MCPH1: variants seen among roughly 807,000 people sequenced by gnomAD.
MCPH1 encodes the protein microcephalin.
A neutral mutation model predicts 84.5 loss-of-function variants in MCPH1; 104 were observed. The ratio of observed to expected loss-of-function variants is 1.23; its 90% CI spans 1.05 to 1.45. The LOEUF is 1.45. Among genes scored for constraint, MCPH1 ranks in the 40% most tolerant of loss-of-function variants. MCPH1 has a pLI of 0.00. For synonymous variants in MCPH1, 514 were observed against 366.8 expected, an observed-to-expected ratio of 1.40 and a Z score of -4.58; for missense variants, 1,498 against 1,005.7, an observed-to-expected ratio of 1.49 and a Z score of -6.62.
At position 6,502,902 on chromosome 8, in the gene MCPH1, T is replaced by A. The variant is rs557677761; in HGVS notation, c.2214+2973T>A. On this transcript the variant is annotated intron_variant, in intron 12 of 13. Coordinates refer to ENST00000344683, the MANE Select transcript of MCPH1 (RefSeq NM_024596.5). ...TAATCACAATTATGGATGTTTAGGG[T>A]CTTGCTTTGGTCCGTTAAGTGATGC... 338 of 584,824 alleles carry A rather than the reference T, an allele frequency of 5.8e-4. 1 individual carries two copies. The highest frequency in any genetic ancestry group is 6.5e-5 in the Non-Finnish European group (22 of 336,024). The allele number at this position is 584,824 out of a possible 1,614,324, so 36.2% of individuals were successfully genotyped here.
chr8:6,490,369 C>A (rs1393722053), intron 11 of MCPH1, among the ~76,000 whole-genome samples: 2 of 152,150 alleles, frequency 1.3e-5, no homozygotes, highest in African/African-American at 2.4e-5. Context: ...ATTTAGATGT[C>A]ATTTAGATGT....
intron 12 of MCPH1, among the ~76,000 whole-genome samples, chr8:6,599,436 C>G (rs1019565986): frequency 6.6e-6 from 1 of 152,218 alleles, no homozygotes; most frequent in African/African-American, 2.4e-5. Flanking sequence ...GTCCATTATT[C>G]TCACCGTGAT....
At chr8:6,575,642 C>T (rs1476149506) in intron 12 of MCPH1, among the ~76,000 whole-genome samples, 1 of 152,142 alleles carries the variant, frequency 6.6e-6, no homozygotes, top group East Asian at 1.9e-4. Context: ...GTCCTAAATG[C>T]CCTCAGCACG....
At chr8:6,557,504 C>G (rs1333736747) in intron 12 of MCPH1, among the ~76,000 whole-genome samples, 1 of 151,984 alleles carries the variant, frequency 6.6e-6, no homozygotes, top group African/African-American at 2.4e-5. Context: ...GGAGAAAATT[C>G]TCATTGTTAG....
At chr8:6,488,921 G>C (rs1308748907) in intron 11 of MCPH1, among the ~76,000 whole-genome samples, 1 of 152,028 alleles carries the variant, frequency 6.6e-6, no homozygotes, top group Non-Finnish European at 1.5e-5. Flanking sequence ...GAGCAGGTCG[G>C]CGCCCTTCCT....
At chr8:6,548,265 A>G (rs562599619) in intron 12 of MCPH1, among the ~76,000 whole-genome samples, 6 of 152,138 alleles carry the variant, frequency 3.9e-5, no homozygotes, top group Non-Finnish European at 7.4e-5. Flanking sequence ...GCACCCTGGC[A>G]TTTTCAGGTG....
intron 9 of MCPH1, chr8:6,473,832 G>A: frequency 7.4e-7 from 1 of 1,359,584 alleles, no homozygotes; most frequent in Admixed American, 2.5e-5. Context: ...AAAGTAGCTA[G>A]CCTTATAAGT....
At chr8:6,458,396 C>T (rs969772152) in intron 9 of MCPH1, among the ~76,000 whole-genome samples, 13 of 150,134 alleles carry the variant, frequency 8.7e-5, no homozygotes, top group East Asian at 2.0e-4. Flanking sequence ...GGCATGAACC[C>T]GGGAGGCGGA....
At chr8:6,406,721 C>T (rs1563157979) in intron 1 of MCPH1, 32 bp downstream of exon 1, 4 of 1,610,990 alleles carry the variant, frequency 2.5e-6, no homozygotes, top group Non-Finnish European at 3.4e-6. Context: ...GCTCCAGCAG[C>T]GGGAGTTTGA....
intron 12 of MCPH1, among the ~76,000 whole-genome samples, chr8:6,521,660 G>T (rs1410218508): frequency 6.6e-6 from 1 of 152,108 alleles, no homozygotes; most frequent in South Asian, 2.1e-4. Flanking sequence ...ACAAGAAAAG[G>T]TACCCCATCT....
chr8:6,640,317 A>T (rs999115989), intron 13 of MCPH1, among the ~76,000 whole-genome samples: 3 of 152,156 alleles, frequency 2.0e-5, no homozygotes, highest in Non-Finnish European at 4.4e-5. Context: ...CACTATTACT[A>T]ACGGTACATA....
At chr8:6,570,917 C>T (rs1487792450) in intron 12 of MCPH1, among the ~76,000 whole-genome samples, 1 of 150,280 alleles carries the variant, frequency 6.7e-6, no homozygotes. Flanking sequence ...TTTAAAGCTG[C>T]ACTGTACATC....
intron 12 of MCPH1, among the ~76,000 whole-genome samples, chr8:6,516,612 T>C (rs1816321212): frequency 6.6e-6 from 1 of 152,234 alleles, no homozygotes; most frequent in Non-Finnish European, 1.5e-5. Context: ...TCTATCAATA[T>C]TTCTTTTTAA....
At chr8:6,434,146 T>A (rs1482380526) in intron 4 of MCPH1, among the ~76,000 whole-genome samples, 1 of 152,196 alleles carries the variant, frequency 6.6e-6, no homozygotes, top group Middle Eastern at 3.2e-3. Context: ...GCTGACTGGC[T>A]CCTCCTAACA....
chr8:6,509,265 T>C (rs1310337437), intron 12 of MCPH1, among the ~76,000 whole-genome samples: 4 of 152,210 alleles, frequency 2.6e-5, no homozygotes, highest in African/African-American at 4.8e-5. Flanking sequence ...AGAGGGATGT[T>C]TTCATGAAAC....
intron 2 of MCPH1, among the ~76,000 whole-genome samples, chr8:6,410,249 C>G (rs573795989): frequency 2.0e-5 from 3 of 152,088 alleles, no homozygotes; most frequent in African/African-American, 2.4e-5. Flanking sequence ...GCTGGGATTA[C>G]AGGCATGAGC....
chr8:6,514,435 T>C (rs1003494750), intron 12 of MCPH1, among the ~76,000 whole-genome samples: 6 of 152,278 alleles, frequency 3.9e-5, no homozygotes, highest in Non-Finnish European at 5.9e-5. Flanking sequence ...GTAATCCATC[T>C]GCCTCGGCCT....
intron 12 of MCPH1, among the ~76,000 whole-genome samples, chr8:6,513,247 G>C (rs548433684): frequency 1.3e-5 from 2 of 152,012 alleles, no homozygotes; most frequent in Admixed American, 1.3e-4. Context: ...AGAAGTAATA[G>C]TTTAGATCTT....
chr8:6,447,915 A>G (rs187579274), intron 8 of MCPH1, among the ~76,000 whole-genome samples: 1 of 152,178 alleles, frequency 6.6e-6, no homozygotes, highest in East Asian at 1.9e-4. Flanking sequence ...TTATTCTCTT[A>G]ATTTTATAAA....
Sources: gnomAD v4.1 joint callset for allele counts (sites outside exome capture counted in the v4.1 genomes callset) on GRCh38, gnomAD v4.1.1 for gene constraint, MANE v1.5 for transcripts, NCBI Gene and HGNC (gene_info 2026-07-23, HGNC 2026-07-21) for gene names.